ATAD2B: variants seen among roughly 807,000 people sequenced by gnomAD.
ATAD2B encodes the protein ATPase family AAA domain-containing protein 2B.
A neutral mutation model predicts 167.6 loss-of-function variants in ATAD2B; 40 were observed. The observed-to-expected ratio is 0.24, with a 90% CI of 0.19 to 0.31. The LOEUF (loss-of-function observed/expected upper bound fraction) is 0.31. Among genes scored for constraint, ATAD2B ranks in the 10% least tolerant of loss-of-function variants. The probability of loss-of-function intolerance (pLI) is 1.00; values close to 1 mark genes in which losing one functional copy is unlikely to be tolerated. For synonymous variants in ATAD2B, 579 were observed against 596.5 expected (o/e 0.97, Z 0.43); for missense variants, 1,242 against 1,757.2 (o/e 0.71, Z 5.24).
intron 17 of ATAD2B, chr2:23,811,154 G>C (rs941809872): frequency 1.3e-5 from 2 of 152,190 alleles, no homozygotes; most frequent in Non-Finnish European, 2.9e-5. Flanking sequence ...GTATCATTTA[G>C]TTATTAGTTA....
At chr2:23,791,312 T>C (rs1463733657) in intron 19 of ATAD2B, among the ~76,000 whole-genome samples, 2 of 152,072 alleles carry the variant, frequency 1.3e-5, no homozygotes, top group African/African-American at 4.8e-5. Context: ...GGAGTGGAAT[T>C]GCTGAGTCAT....
intron 2 of ATAD2B, among the ~76,000 whole-genome samples, chr2:23,889,862 T>A (rs993958953): frequency 6.6e-6 from 1 of 150,578 alleles, no homozygotes; most frequent in African/African-American, 2.5e-5. Context: ...GATGTTGTAG[T>A]GAGTGGACAT....
the ATAD2B span, among the ~76,000 whole-genome samples, chr2:23,678,813 A>C: frequency 6.6e-6 from 1 of 152,246 alleles, no homozygotes. Flanking sequence ...AGCCATTCAC[A>C]GGACAAATAT....
chr2:23,720,374 G>T, the ATAD2B span, among the ~76,000 whole-genome samples: 1 of 152,084 alleles, frequency 6.6e-6, no homozygotes, highest in African/African-American at 2.4e-5. Context: ...AGGAGTTTGA[G>T]ACCAGCCTGG....
chr2:23,706,302 G>A, the ATAD2B span, among the ~76,000 whole-genome samples: 2 of 152,176 alleles, frequency 1.3e-5, no homozygotes, highest in African/African-American at 2.4e-5. Context: ...GACTGGCCCT[G>A]GAGGACAGGT....
intron 22 of ATAD2B, among the ~76,000 whole-genome samples, chr2:23,770,977 A>C (rs1572684758): frequency 6.6e-6 from 1 of 152,190 alleles, no homozygotes; most frequent in African/African-American, 2.4e-5. Context: ...CATGACATAT[A>C]TCTCCATTTA....
intron 13 of ATAD2B, among the ~76,000 whole-genome samples, 169 bp from the exon 14 acceptor site, chr2:23,834,247 C>T (rs747862192): frequency 1.4e-4 from 20 of 145,004 alleles, no homozygotes; most frequent in Admixed American, 3.6e-4. Flanking sequence ...CTGCAATCTC[C>T]GCCTCCCGGG....
intron 10 of ATAD2B, 50 bp downstream of exon 10, chr2:23,867,785 A>C: frequency 1.5e-6 from 2 of 1,350,048 alleles, no homozygotes; most frequent in South Asian, 2.5e-5. Flanking sequence ...AAACAAGAAA[A>C]AAACTTTTAA....
At chr2:23,734,313 C>G in the ATAD2B span, among the ~76,000 whole-genome samples, 7 of 152,084 alleles carry the variant, frequency 4.6e-5, no homozygotes, top group Admixed American at 1.3e-4. Flanking sequence ...CGTGTCACCA[C>G]GCCTGGCTAA....
chr2:23,903,587 A>T (rs1440175907), intron 1 of ATAD2B, among the ~76,000 whole-genome samples: 1 of 152,204 alleles, frequency 6.6e-6, no homozygotes, highest in African/African-American at 2.4e-5. Context: ...CATAAATCTT[A>T]AAAAGTGAGG....
rs1190481740 is a variant in ATAD2B at position 23,749,059 on chromosome 2, G to A, written c.*2987C>T. On this transcript the variant is annotated 3_prime_UTR_variant, in exon 28 of 28. Transcript: ENST00000238789. ...AAGATACCTACTGAATAGCACCATAGCTGAACCAACTTAATCAAAAAAGGG... is the reference window on the plus strand; with the variant it reads ...AAGATACCTACTGAATAGCACCATAACTGAACCAACTTAATCAAAAAAGGG... 1 of 151,916 alleles carries A rather than the reference G, an allele frequency of 6.6e-6. No individual in the cohort carries two copies. The highest frequency in any genetic ancestry group is 2.4e-5 in the African/African-American group (1 of 41,390). 9.4% of individuals were successfully genotyped at this position (151,916 alleles called of 1,614,324 possible).
At chr2:23,732,168 A>G in the ATAD2B span, among the ~76,000 whole-genome samples, 1 of 152,204 alleles carries the variant, frequency 6.6e-6, no homozygotes, top group African/African-American at 2.4e-5. Flanking sequence ...TACAAAAGAT[A>G]AATGAACATA....
At chr2:23,923,967 G>A (rs1284141344) in intron 1 of ATAD2B, among the ~76,000 whole-genome samples, 1 of 152,032 alleles carries the variant, frequency 6.6e-6, no homozygotes, top group Admixed American at 6.5e-5. Context: ...CTGATGACGA[G>A]GTCAGGAGAT....
At chr2:23,816,197 T>G (rs754836115) in intron 17 of ATAD2B, among the ~76,000 whole-genome samples, 35 of 152,222 alleles carry the variant, frequency 2.3e-4, no homozygotes, top group Non-Finnish European at 4.6e-4. Flanking sequence ...TACATTAGTA[T>G]GAGAAATGTA....
At chr2:23,905,545 A>C (rs1299464786) in intron 1 of ATAD2B, among the ~76,000 whole-genome samples, 1 of 152,010 alleles carries the variant, frequency 6.6e-6, no homozygotes, top group Non-Finnish European at 1.5e-5. Flanking sequence ...AGAAAAGAAA[A>C]ATGCCACAGA....
At chr2:23,789,763 A>G (rs1361816241) in intron 19 of ATAD2B, among the ~76,000 whole-genome samples, 3 of 152,184 alleles carry the variant, frequency 2.0e-5, no homozygotes, top group Admixed American at 6.5e-5. Context: ...CATAAATATG[A>G]TATCATTCTA....
intron 1 of ATAD2B, among the ~76,000 whole-genome samples, chr2:23,902,476 C>A (rs1478528760): frequency 1.3e-5 from 2 of 152,184 alleles, no homozygotes; most frequent in Non-Finnish European, 2.9e-5. Context: ...TAACAATTCA[C>A]CCTTAATAGG....
chr2:23,708,969 G>A, the ATAD2B span, among the ~76,000 whole-genome samples: 5 of 152,352 alleles, frequency 3.3e-5, 1 homozygote, highest in Middle Eastern at 3.4e-3. Context: ...TCCAGCTCAT[G>A]AGCCTAAGAG....
At chr2:23,813,121 A>G (rs546335932) in intron 17 of ATAD2B, among the ~76,000 whole-genome samples, 1 of 152,150 alleles carries the variant, frequency 6.6e-6, no homozygotes, top group Non-Finnish European at 1.5e-5. Flanking sequence ...TTATACTGAA[A>G]CATATTATAG....
Sources: allele counts gnomAD v4.1 joint callset (sites outside exome capture counted in the v4.1 genomes callset), GRCh38; gene constraint gnomAD v4.1.1; transcripts MANE v1.5; gene names NCBI Gene and HGNC (gene_info 2026-07-23, HGNC 2026-07-21).